USP39: variants seen among roughly 807,000 people sequenced by gnomAD.
USP39 encodes ubiquitin carboxyl-terminal hydrolase 39.
In USP39, 38 loss-of-function variants were observed where a neutral mutation model predicts 66.4. The ratio of observed to expected loss-of-function variants is 0.57; its 90% CI spans 0.44 to 0.75. USP39 has a LOEUF of 0.75. Among genes scored for constraint, USP39 ranks in the 30% least tolerant of loss-of-function variants. USP39 has a pLI of 0.00. For synonymous variants in USP39, 303 were observed against 274.6 expected (o/e 1.10, Z -1.02); for missense variants, 608 against 714.4 (o/e 0.85, Z 1.70).
intron 11 of USP39, 94 bp downstream of exon 11, chr2:85,645,177 T>C: frequency 6.4e-7 from 1 of 1,558,050 alleles, no homozygotes; most frequent in Non-Finnish European, 8.7e-7. Flanking sequence ...GTGTCCTTGC[T>C]TGGCCTTGGC....
At chr2:85,616,892 G>C (rs776676843) in intron 1 of USP39, among the ~76,000 whole-genome samples, 1 of 151,588 alleles carries the variant, frequency 6.6e-6, no homozygotes, top group Non-Finnish European at 1.5e-5. Flanking sequence ...GGGTTTCATC[G>C]TGTTAGCCAG....
intron 1 of USP39, among the ~76,000 whole-genome samples, chr2:85,618,182 C>T (rs996583703): frequency 2.2e-4 from 34 of 151,976 alleles, no homozygotes; most frequent in Non-Finnish European, 4.1e-4. Context: ...CCTTGAACTC[C>T]TGACCTCAGG....
intron 2 of USP39, among the ~76,000 whole-genome samples, chr2:85,619,893 C>T (rs1034821606): frequency 3.3e-5 from 5 of 151,072 alleles, no homozygotes; most frequent in African/African-American, 1.2e-4. Context: ...TCATTTTTGT[C>T]CCCCAGGCTG....
chr2:85,627,496 A>G (rs1674963751), intron 5 of USP39, among the ~76,000 whole-genome samples: 1 of 152,066 alleles, frequency 6.6e-6, no homozygotes, highest in Non-Finnish European at 1.5e-5. Context: ...GAAAACATGT[A>G]TAAATTGTAA....
Position 85,648,834 on chromosome 2 carries a change from A to G in USP39, c.*26A>G, listed in dbSNP as rs750312626. 1 of 1,613,656 alleles carries G rather than the reference A, an allele frequency of 6.2e-7. No homozygotes were observed. Among genetic ancestry groups the G allele is most frequent in the South Asian group, 1.1e-5 (1 of 91,072 alleles). On this transcript the variant is annotated 3_prime_UTR_variant, in exon 13 of 13. Coordinates refer to ENST00000323701, the MANE Select transcript of USP39 (RefSeq NM_006590.4). ...AGGAGGCGTCTAGGGCTTTGCTCCC[A>G]AGGGCTGTGGCTGATGATGGTAAAT...
chr2:85,611,615 T>C, upstream of USP39: 4 of 1,557,576 alleles, frequency 2.6e-6, no homozygotes, highest in South Asian at 1.2e-5. Flanking sequence ...AGAAGGGGAG[T>C]GCGTTGCAGG....
intron 5 of USP39, among the ~76,000 whole-genome samples, chr2:85,630,317 G>C (rs938045694): frequency 2.0e-5 from 3 of 152,148 alleles, no homozygotes; most frequent in Non-Finnish European, 4.4e-5. Context: ...AGTTATTTTT[G>C]CTTCAACCAA....
At chr2:85,643,342 T>A (rs1676394104) in intron 10 of USP39, among the ~76,000 whole-genome samples, 1 of 151,898 alleles carries the variant, frequency 6.6e-6, no homozygotes, top group East Asian at 2.0e-4. Context: ...TTCAAAAAAT[T>A]AGCCAGGCAT....
intron 1 of USP39, among the ~76,000 whole-genome samples, chr2:85,606,452 G>A (rs1239409047): frequency 6.6e-6 from 1 of 152,224 alleles, no homozygotes; most frequent in Non-Finnish European, 1.5e-5. Context: ...AAGCAATGAG[G>A]ATGGGCTATA....
At chr2:85,621,286 T>C in intron 2 of USP39, 199 bp from the exon 3 acceptor site, 1 of 514,956 alleles carries the variant, frequency 1.9e-6, no homozygotes. Flanking sequence ...ATGTGTCTGG[T>C]GGAGACACCT....
intron 9 of USP39, 42 bp downstream of exon 9, chr2:85,639,433 C>A (rs1357362587): frequency 2.7e-6 from 4 of 1,504,374 alleles, no homozygotes; most frequent in Non-Finnish European, 2.7e-6. Context: ...CTTACCCTCG[C>A]TCTCTCGACT....
At chr2:85,609,346 G>C, upstream of USP39, 1 of 1,524,656 alleles carries the variant, frequency 6.6e-7, no homozygotes, top group Non-Finnish European at 8.9e-7. Context: ...TCCCATTGGG[G>C]GTCCTGAGGA....
chr2:85,614,495 C>T (rs952770424), upstream of USP39, among the ~76,000 whole-genome samples: 2 of 152,142 alleles, frequency 1.3e-5, no homozygotes, highest in African/African-American at 2.4e-5. Context: ...ACCTGGGTGA[C>T]AGAGCAAGAC....
At chr2:85,645,159 C>T (rs529366952) in intron 11 of USP39, 76 bp downstream of exon 11, 418 of 1,594,246 alleles carry the variant, frequency 2.6e-4, no homozygotes, top group Non-Finnish European at 3.4e-4. Context: ...AGGGCAGCTC[C>T]CTTCAGTGTG....
At position 85,629,499 on chromosome 2, in the gene USP39, C is replaced by CT. The variant is rs768604575; in HGVS notation, c.724-1208dup. ...AACCTTTTGACCATTTTCTCTTTCTCTTTTTTTTTTTTTTGAGACGGAGTT... is the reference window on the plus strand; with the variant it reads ...AACCTTTTGACCATTTTCTCTTTCTCTTTTTTTTTTTTTTTGAGACGGAGTT... On this transcript the variant is annotated intron_variant, in intron 5 of 12. Transcript: ENST00000323701. 5.6e-3 allele frequency among the ~76,000 whole-genome samples: 776 copies of CT among 138,158 alleles called. 3 individuals carry two copies. The highest frequency in any genetic ancestry group is 8.1e-3 in the Middle Eastern group (2 of 246). The allele number at this position is 138,158 out of a possible 152,430, so 90.6% of individuals were successfully genotyped here. A position where few individuals can be genotyped will look rare whatever the true frequency, so the allele number is the denominator to read the frequency against.
chr2:85,629,067 T>C (rs953473810), intron 5 of USP39, among the ~76,000 whole-genome samples: 2 of 152,114 alleles, frequency 1.3e-5, no homozygotes, highest in Non-Finnish European at 2.9e-5. Context: ...AGTTTCGTTT[T>C]GTTTTGTTTT....
At chr2:85,618,079 A>G (rs937450134) in intron 1 of USP39, among the ~76,000 whole-genome samples, 30 of 151,466 alleles carry the variant, frequency 2.0e-4, no homozygotes, top group African/African-American at 6.8e-4. Context: ...TCAGCCTCCC[A>G]AGTAGGCTGG....
upstream of USP39, among the ~76,000 whole-genome samples, chr2:85,614,033 T>C (rs1673752731): frequency 6.6e-6 from 1 of 151,988 alleles, no homozygotes; most frequent in East Asian, 1.9e-4. Flanking sequence ...CCTCCCAAAG[T>C]GCTGGGATTA....
upstream of USP39, chr2:85,612,439 A>T: frequency 7.2e-7 from 1 of 1,393,482 alleles, no homozygotes; most frequent in Non-Finnish European, 9.8e-7. Flanking sequence ...CAGTTTCCTC[A>T]TTAGTAAATG....
Sources: gnomAD v4.1 joint callset for allele counts (sites outside exome capture counted in the v4.1 genomes callset) on GRCh38, gnomAD v4.1.1 for gene constraint, MANE v1.5 for transcripts, NCBI Gene and HGNC (gene_info 2026-07-23, HGNC 2026-07-21) for gene names.